The following TMC1 variants were observed in gnomAD, a reference collection of about 807,000 sequenced individuals.
TMC1 encodes the protein transmembrane channel like 1.
In TMC1, 84 loss-of-function variants were observed where a neutral mutation model predicts 105.8. The observed-to-expected ratio is 0.79, with a 90% CI of 0.67 to 0.95. TMC1 has a LOEUF of 0.95. TMC1 is among the 40% of genes least tolerant of loss of function. The pLI, the probability that TMC1 is intolerant of heterozygous loss-of-function variation, is 0.00. For synonymous variants in TMC1, 315 were observed against 311.5 expected, an observed-to-expected ratio of 1.01 and a Z score of -0.12; for missense variants, 817 against 914.1, an observed-to-expected ratio of 0.89 and a Z score of 1.37.
chr9:72,535,046 GA>G (rs1823555780), intron 1 of TMC1, among the ~76,000 whole-genome samples: 1 of 9,544 alleles, frequency 1.0e-4, no homozygotes, highest in East Asian at 2.6e-3. Flanking sequence ...GGATCTCTTA[GA>G]GAGAGAGAAA....
intron 1 of TMC1, among the ~76,000 whole-genome samples, chr9:72,541,486 G>A (rs557772073): frequency 5.3e-5 from 8 of 152,050 alleles, no homozygotes. Flanking sequence ...TCAGGAGTTC[G>A]AGACCAGCCT....
At chr9:72,631,984 C>T (rs1257237790) in intron 4 of TMC1, among the ~76,000 whole-genome samples, 1 of 152,154 alleles carries the variant, frequency 6.6e-6, no homozygotes, top group Admixed American at 6.5e-5. Context: ...ATAAAATATC[C>T]ATTGCATTAG....
intron 1 of TMC1, among the ~76,000 whole-genome samples, chr9:72,558,796 G>GTC (rs1194828698): frequency 6.6e-6 from 1 of 152,072 alleles, no homozygotes; most frequent in East Asian, 1.9e-4. Flanking sequence ...ATCCTTTGAG[G>GTC]AATCTATCAC....
At chr9:72,748,129 T>A (rs1171321607) in intron 10 of TMC1, among the ~76,000 whole-genome samples, 1 of 152,204 alleles carries the variant, frequency 6.6e-6, no homozygotes, top group Non-Finnish European at 1.5e-5. Context: ...AAGGGCCATA[T>A]AGCAGTGTGG....
At chr9:72,523,501 T>C (rs1315623718) in intron 1 of TMC1, among the ~76,000 whole-genome samples, 2 of 152,150 alleles carry the variant, frequency 1.3e-5, no homozygotes, top group Non-Finnish European at 2.9e-5. Context: ...TAAGGTAAGC[T>C]AGAGAAAAGA....
In TMC1 at chr9:72,681,391, GT is replaced by G. The variant is rs141413146; in HGVS notation, c.17-7308del. Reference sequence around the variant, plus strand: ...GCTATTTATTTATTGAATATGTATAGTTTTTTTTTTGAAAAAGCCAGCCCTC... The same window carrying G: ...GCTATTTATTTATTGAATATGTATAGTTTTTTTTTGAAAAAGCCAGCCCTC... On this transcript the variant is annotated intron_variant, in intron 5 of 23. Coordinates refer to ENST00000297784, the MANE Select transcript of TMC1 (RefSeq NM_138691.3). Among the ~76,000 whole-genome samples the G allele has an allele frequency of 1.4e-4, 21 of 149,196 alleles. No individual in the cohort carries two copies. In the East Asian group the frequency reaches 2.1e-3, roughly 15 times the overall value.
rs79901404 is a variant in TMC1, at chr9:72,745,260, T to C, written c.535+2735T>C. Among the ~76,000 whole-genome samples the C allele has an allele frequency of 1.9e-4, 29 of 152,288 alleles. 1 individual carries two copies. The highest frequency in any genetic ancestry group is 7.0e-4 in the African/African-American group (29 of 41,572). The stretch of plus-strand genomic sequence containing the variant: ...GCACATTAACCTTCCTATTTTATAG[T>C]TGTGATTAAATAACTGTCCCAGAAT... On this transcript the variant is annotated intron_variant, in intron 10 of 23. Transcript: ENST00000297784.
chr9:72,551,331 G>A (rs572945755), intron 1 of TMC1, among the ~76,000 whole-genome samples: 6 of 152,268 alleles, frequency 3.9e-5, no homozygotes, highest in East Asian at 1.9e-4. Context: ...TGCCCTAGCC[G>A]TTTATCTAAA....
chr9:72,613,081 T>C lies in TMC1; in HGVS notation c.-305-3287T>C, dbSNP rs117770735. On this transcript the variant is annotated intron_variant, in intron 2 of 23. Coordinates refer to ENST00000297784, the MANE Select transcript of TMC1 (RefSeq NM_138691.3). ...TCTAGTTCTTATTTTTTAATTATTTTATGATACTTTTCATAAAAAGTGGTG... is the reference window on the plus strand; with the variant it reads ...TCTAGTTCTTATTTTTTAATTATTTCATGATACTTTTCATAAAAAGTGGTG... Among the ~76,000 whole-genome samples the C allele has an allele frequency of 2.6e-4, 39 of 152,304 alleles. No individual in the cohort carries two copies. In the East Asian group the frequency reaches 4.4e-3, roughly 17 times the overall value.
At chr9:72,631,624 G>T (rs1825452731) in intron 4 of TMC1, among the ~76,000 whole-genome samples, 1 of 152,174 alleles carries the variant, frequency 6.6e-6, no homozygotes, top group Non-Finnish European at 1.5e-5. Context: ...AATATATGAG[G>T]TTCTTGAATA....
intron 8 of TMC1, among the ~76,000 whole-genome samples, chr9:72,733,106 C>T (rs899084187): frequency 5.9e-5 from 9 of 152,102 alleles, no homozygotes; most frequent in Non-Finnish European, 1.3e-4. Flanking sequence ...CCAAGTGTAA[C>T]ATTTTACAAT....
At chr9:72,626,496 G>A (rs1359084508) in intron 3 of TMC1, among the ~76,000 whole-genome samples, 1 of 152,162 alleles carries the variant, frequency 6.6e-6, no homozygotes, top group Non-Finnish European at 1.5e-5. Flanking sequence ...AGCACCTTTA[G>A]TAACAACACT....
At chr9:72,697,550 T>C (rs1186963955) in intron 7 of TMC1, among the ~76,000 whole-genome samples, 1 of 152,166 alleles carries the variant, frequency 6.6e-6, no homozygotes, top group Non-Finnish European at 1.5e-5. Context: ...TTGGACAAGC[T>C]GAACTTATAA....
intron 17 of TMC1, among the ~76,000 whole-genome samples, chr9:72,796,172 A>G (rs926775579): frequency 6.6e-6 from 1 of 152,198 alleles, no homozygotes; most frequent in African/African-American, 2.4e-5. Context: ...TATGCACTCA[A>G]TACAAGAGTA....
chr9:72,631,066 C>T (rs571053672), intron 4 of TMC1, among the ~76,000 whole-genome samples: 25 of 152,184 alleles, frequency 1.6e-4, no homozygotes, highest in Admixed American at 4.6e-4. Flanking sequence ...CAGGGTTTCA[C>T]TATGTTGGTC....
chr9:72,683,755 A>ATATATATG (rs1826331227), intron 5 of TMC1, among the ~76,000 whole-genome samples: 1 of 116,168 alleles, frequency 8.6e-6, no homozygotes, highest in Non-Finnish European at 1.8e-5. Context: ...ATATATATAT[A>ATATATATG]TATATATATA....
chr9:72,559,284 T>C (rs950245761), intron 1 of TMC1, among the ~76,000 whole-genome samples: 1 of 152,108 alleles, frequency 6.6e-6, no homozygotes, highest in Non-Finnish European at 1.5e-5. Context: ...TTAGTACAGA[T>C]GGGTTTTCAC....
chr9:72,532,539 CTCAAAAAAAAAAAAAAAAAAAAAAAA>C (rs2132058431), intron 1 of TMC1, among the ~76,000 whole-genome samples: 3 of 98,468 alleles, frequency 3.0e-5, no homozygotes, highest in East Asian at 3.3e-4. Flanking sequence ...GAGACTCCGT[CTCAAAAAAAAAAAAAAAAAAAAAAAA>C]AAAAAAAAAA....
chr9:72,764,275 C>T (rs368074984), intron 12 of TMC1, among the ~76,000 whole-genome samples: 2 of 152,166 alleles, frequency 1.3e-5, no homozygotes, highest in South Asian at 2.1e-4. Flanking sequence ...TGACCACACA[C>T]GTCTCGTTTC....
Sources: allele counts gnomAD v4.1 joint callset (sites outside exome capture counted in the v4.1 genomes callset), GRCh38; gene constraint gnomAD v4.1.1; transcripts MANE v1.5; gene names NCBI Gene and HGNC (gene_info 2026-07-23, HGNC 2026-07-21).